Variants in CEACAM21 observed in about 807,000 individuals in gnomAD.
The protein encoded by CEACAM21 is CEA cell adhesion molecule 21.
In CEACAM21, 38 loss-of-function variants were observed where a neutral mutation model predicts 33.2. The ratio of observed to expected loss-of-function variants is 1.14; its 90% CI spans 0.88 to 1.50. The LOEUF (loss-of-function observed/expected upper bound fraction) is 1.50. Among genes scored for constraint, CEACAM21 ranks in the 40% most tolerant of loss-of-function variants. CEACAM21 has a pLI of 0.00. For missense variants in CEACAM21, 385 were observed against 364.6 expected, an observed-to-expected ratio of 1.06 and a Z score of -0.46; for synonymous variants, 156 against 143.0, an observed-to-expected ratio of 1.09 and a Z score of -0.65.
At position 41,586,531 on chromosome 19, in the gene CEACAM21, T is replaced by C. The variant is rs1568626748; in HGVS notation, c.*68T>C. ...CACAAAGCAGATGTGGCTTCTTAGG[T>C]TCCTCTGGGAGCTGCTCCTGTGGGT... On this transcript the variant is annotated 3_prime_UTR_variant, in exon 7 of 7. Transcript: ENST00000401445. The C allele has an allele frequency of 2.1e-5, 13 of 624,290 alleles. 1 individual carries two copies. Among genetic ancestry groups the C allele is most frequent in the South Asian group, 1.8e-4 (13 of 73,298 alleles). The allele number at this position is 624,290 out of a possible 1,614,324, so 38.7% of individuals were successfully genotyped here. A position where few individuals can be genotyped will look rare whatever the true frequency, so the allele number is the denominator to read the frequency against.
chr19:41,579,675 T>A lies in CEACAM21; in HGVS notation c.700+47T>A, dbSNP rs1555792882. 3.8e-6 allele frequency: 5 copies of A among 1,321,848 alleles called. No individual in the cohort carries two copies. The South Asian group carries it at 5.8e-5, about 15-fold the overall frequency. The allele number at this position is 1,321,848 out of a possible 1,614,324, so 81.9% of individuals were successfully genotyped here. On this transcript the variant is annotated intron_variant, in intron 3 of 6. Transcript: ENST00000401445. ...TCACTCCTTTCCTTGTATATTTTCC[T>A]AGGAGGGAGGGGGGGTGTAAAATGA...
intron 1 of CEACAM21, among the ~76,000 whole-genome samples, chr19:41,563,170 A>G (rs1368980431): frequency 6.6e-6 from 1 of 152,064 alleles, no homozygotes; most frequent in Non-Finnish European, 1.5e-5. Context: ...GGGGAATGGA[A>G]TTGGGTTGGG....
chr19:41,566,887 T>C (rs1359274047), intron 2 of CEACAM21, among the ~76,000 whole-genome samples: 1 of 152,206 alleles, frequency 6.6e-6, no homozygotes, highest in African/African-American at 2.4e-5. Context: ...TTTTGGTAAT[T>C]TACATTTATC....
intron 1 of CEACAM21, among the ~76,000 whole-genome samples, chr19:41,558,282 A>G (rs148907219): frequency 6.6e-6 from 1 of 152,366 alleles, no homozygotes; most frequent in African/African-American, 2.4e-5. Flanking sequence ...CAACCTGTAA[A>G]AAAGTGTTTT....
At chr19:41,574,786 C>T (rs1383663098), upstream of CEACAM21, among the ~76,000 whole-genome samples, 1 of 152,130 alleles carries the variant, frequency 6.6e-6, no homozygotes, top group Non-Finnish European at 1.5e-5. Flanking sequence ...TTGGCTGTTT[C>T]TCAAAAACTT....
chr19:41,572,187 G>A (rs2042656647), upstream of CEACAM21, among the ~76,000 whole-genome samples: 1 of 152,154 alleles, frequency 6.6e-6, no homozygotes, highest in Non-Finnish European at 1.5e-5. Flanking sequence ...AATAAAACAA[G>A]CATTACAGTT....
At chr19:41,551,974 A>T (rs1257308510) in intron 1 of CEACAM21, 3 of 152,180 alleles carry the variant, frequency 2.0e-5, no homozygotes, top group Admixed American at 6.5e-5. Context: ...CAATAACGAG[A>T]TGCAGATAAA....
intron 1 of CEACAM21, among the ~76,000 whole-genome samples, chr19:41,562,750 A>G (rs1204886345): frequency 6.7e-6 from 1 of 150,322 alleles, no homozygotes; most frequent in Non-Finnish European, 1.5e-5. Flanking sequence ...TTTTTTGGAG[A>G]CAGAGTCTGG....
chr19:41,579,443 G>A lies in CEACAM21; in HGVS notation c.515G>A (p.Gly172Glu), dbSNP rs782204004. The A allele has an allele frequency of 6.8e-6, 11 of 1,613,866 alleles. No homozygotes were observed. The highest frequency in any genetic ancestry group is 8.5e-6 in the Non-Finnish European group (10 of 1,179,864). Residue 172 changes from glycine to glutamate, a missense_variant, in exon 3 of 7, where the codon GGA becomes GAA. Gly to Glu is a moderately conservative substitution (Grantham distance 98). Coordinates refer to ENST00000401445, the MANE Select transcript of CEACAM21 (RefSeq NM_001098506.4). ...CTGACCTGCCACACAAATAACACTG[G>A]AACCTCTTTCCAGTGGATTTTCAAC... ...VVLTCHTNNT[G>E]TSFQWIFNNQ...
upstream of CEACAM21, among the ~76,000 whole-genome samples, chr19:41,575,471 G>C (rs1329120697): frequency 6.6e-6 from 1 of 152,186 alleles, no homozygotes; most frequent in Non-Finnish European, 1.5e-5. Flanking sequence ...AGGGACATGA[G>C]ACAGTTCAGG....
intron 1 of CEACAM21, among the ~76,000 whole-genome samples, chr19:41,553,204 C>G (rs1288664608): frequency 6.6e-6 from 1 of 151,938 alleles, no homozygotes; most frequent in Admixed American, 6.6e-5. Context: ...CTCACTGTAA[C>G]CTCCGCTTCC....
At chr19:41,566,128 GA>G (rs1202825378) in intron 2 of CEACAM21, among the ~76,000 whole-genome samples, 3 of 152,176 alleles carry the variant, frequency 2.0e-5, no homozygotes, top group Admixed American at 1.3e-4. Context: ...ATACAATTGA[GA>G]AAATCAACCC....
chr19:41,571,681 C>A (rs959152875), upstream of CEACAM21, among the ~76,000 whole-genome samples: 1 of 152,230 alleles, frequency 6.6e-6, no homozygotes, highest in Non-Finnish European at 1.5e-5. Flanking sequence ...AGAATCTACT[C>A]TCCCCCAAAA....
chr19:41,581,729 AG>A (rs2043402357), intron 3 of CEACAM21, among the ~76,000 whole-genome samples: 1 of 152,270 alleles, frequency 6.6e-6, no homozygotes, highest in Admixed American at 6.5e-5. Context: ...AGATCTTGTG[AG>A]ACTTATTCAC....
At chr19:41,559,116 T>A (rs1555786217) in intron 1 of CEACAM21, among the ~76,000 whole-genome samples, 1 of 152,224 alleles carries the variant, frequency 6.6e-6, no homozygotes, top group Non-Finnish European at 1.5e-5. Context: ...CTAACAGATT[T>A]ATGTATTTTA....
intron 1 of CEACAM21, among the ~76,000 whole-genome samples, chr19:41,563,940 G>A (rs9749229): frequency 0.1 from 15,297 of 152,238 alleles, 2,375 homozygotes; most frequent in African/African-American, 0.33. Context: ...TCATCATCCC[G>A]CAGATGGCAG....
chr19:41,553,480 C>T (rs11880869), intron 1 of CEACAM21, among the ~76,000 whole-genome samples: 4,734 of 152,054 alleles, frequency 0.031, 233 homozygotes, highest in African/African-American at 0.1. Context: ...TTTATTTGTA[C>T]GAGGTGCAGC....
intron 3 of CEACAM21, 123 bp downstream of exon 3, chr19:41,579,751 G>T: frequency 2.8e-6 from 2 of 709,646 alleles, no homozygotes; most frequent in African/African-American, 1.8e-5. Flanking sequence ...GAGCAATGTG[G>T]GTAAGAACTC....
intron 3 of CEACAM21, 67 bp from the exon 4 acceptor site, chr19:41,584,280 T>C: frequency 7.2e-7 from 1 of 1,386,158 alleles, no homozygotes; most frequent in South Asian, 1.2e-5. Context: ...GCCCCTGCCC[T>C]GCAAGGCCCC....
Sources: gnomAD v4.1 joint callset for allele counts (sites outside exome capture counted in the v4.1 genomes callset) on GRCh38, gnomAD v4.1.1 for gene constraint, MANE v1.5 for transcripts, NCBI Gene and HGNC (gene_info 2026-07-23, HGNC 2026-07-21) for gene names.